Variants in TRIM5 observed in about 807,000 individuals in gnomAD.
TRIM5 encodes the protein tripartite motif containing 5, also known as tripartite motif-containing protein 5.
A neutral mutation model predicts 35.6 loss-of-function variants in TRIM5; 31 were observed. That is an observed-to-expected ratio of 0.87 (90% CI 0.65 to 1.18). The LOEUF (loss-of-function observed/expected upper bound fraction) is 1.18. Among genes scored for constraint, TRIM5 ranks in the 50% most tolerant of loss-of-function variants. The pLI, the probability that TRIM5 is intolerant of heterozygous loss-of-function variation, is 0.00. For synonymous variants in TRIM5, 243 were observed against 215.6 expected, an observed-to-expected ratio of 1.13 and a Z score of -1.11; for missense variants, 609 against 591.6, an observed-to-expected ratio of 1.03 and a Z score of -0.31.
chr11:5,647,539 T>G, the TRIM5 span, among the ~76,000 whole-genome samples: 1 of 152,152 alleles, frequency 6.6e-6, no homozygotes, highest in African/African-American at 2.4e-5. Flanking sequence ...CATCATTTTT[T>G]TGAGACAAAG....
the TRIM5 span, chr11:5,611,298 T>C: frequency 6.2e-7 from 1 of 1,614,156 alleles, no homozygotes; most frequent in Admixed American, 1.7e-5. Flanking sequence ...TTTTAATCCT[T>C]GCAACTGTGT....
the TRIM5 span, among the ~76,000 whole-genome samples, chr11:5,657,988 T>C: frequency 2.0e-5 from 3 of 151,296 alleles, no homozygotes; most frequent in Non-Finnish European, 4.4e-5. Flanking sequence ...ATGAGAGGGG[T>C]GCAGGGAAGT....
At chr11:5,653,695 G>A in the TRIM5 span, among the ~76,000 whole-genome samples, 1 of 151,670 alleles carries the variant, frequency 6.6e-6, no homozygotes, top group Non-Finnish European at 1.5e-5. Context: ...TTTTTACCGT[G>A]TTGGTCAGGC....
At position 5,663,700 on chromosome 11, in the gene TRIM5, A is replaced by G. The variant is rs760513966; in HGVS notation, c.*1109T>C. 168 of 508,196 alleles carry G rather than the reference A, an allele frequency of 3.3e-4. 1 individual carries two copies. Among genetic ancestry groups the G allele is most frequent in the Non-Finnish European group, 3.9e-4 (154 of 393,710 alleles). 31.5% of individuals were successfully genotyped at this position (508,196 alleles called of 1,614,324 possible). On this transcript the variant is annotated 3_prime_UTR_variant, in exon 8 of 8. Coordinates refer to ENST00000380034, the MANE Select transcript of TRIM5 (RefSeq NM_033034.3). Reference sequence around the variant, plus strand: ...CAGTGTGATGTTTTGATACATGTATACATTGCGTAATAACCGAACCAGGGT... The same window carrying G: ...CAGTGTGATGTTTTGATACATGTATGCATTGCGTAATAACCGAACCAGGGT...
chr11:5,617,068 T>G, the TRIM5 span, among the ~76,000 whole-genome samples: 1 of 141,202 alleles, frequency 7.1e-6, no homozygotes. Context: ...AATGCAAGCT[T>G]AGGTACAGGC....
the TRIM5 span, among the ~76,000 whole-genome samples, chr11:5,629,580 C>T: frequency 6.6e-6 from 1 of 152,212 alleles, no homozygotes; most frequent in African/African-American, 2.4e-5. Context: ...TGGCTGACCA[C>T]AAGCAATAAT....
chr11:5,659,725 T>C (rs1295931040), downstream of TRIM5, among the ~76,000 whole-genome samples: 1 of 152,048 alleles, frequency 6.6e-6, no homozygotes, highest in East Asian at 1.9e-4. Flanking sequence ...TAAGCTCCTG[T>C]TCTGGATTCT....
intron 4 of TRIM5, among the ~76,000 whole-genome samples, chr11:5,671,704 G>T (rs540293807): frequency 6.6e-6 from 1 of 152,118 alleles, no homozygotes; most frequent in East Asian, 1.9e-4. Context: ...ATGTAGCAAT[G>T]TACATGTAAT....
the TRIM5 span, among the ~76,000 whole-genome samples, chr11:5,609,401 T>C: frequency 2.0e-5 from 3 of 152,136 alleles, no homozygotes; most frequent in African/African-American, 7.2e-5. Flanking sequence ...AAGAAACCCC[T>C]TCATTTGATA....
chr11:5,679,505 C>A (rs1009874233), intron 2 of TRIM5, among the ~76,000 whole-genome samples: 1 of 152,108 alleles, frequency 6.6e-6, no homozygotes, highest in African/African-American at 2.4e-5. Context: ...TTCTTGGACA[C>A]CAAATCTCTA....
chr11:5,653,522 T>C, the TRIM5 span, among the ~76,000 whole-genome samples: 24 of 150,754 alleles, frequency 1.6e-4, 1 homozygote, highest in East Asian at 4.5e-3. Context: ...GATGGAGTCT[T>C]GCTCTATCAC....
chr11:5,603,422 C>T, the TRIM5 span: 13 of 1,614,060 alleles, frequency 8.1e-6, no homozygotes, highest in Admixed American at 1.3e-4. Context: ...TTCTGCCAAG[C>T]CTGCATCACA....
At chr11:5,675,114 C>T (rs1048020195) in intron 4 of TRIM5, among the ~76,000 whole-genome samples, 3 of 151,882 alleles carry the variant, frequency 2.0e-5, no homozygotes, top group South Asian at 2.1e-4. Context: ...CTGCAAGCTC[C>T]GCCTCCCGGG....
chr11:5,637,089 T>C, the TRIM5 span, among the ~76,000 whole-genome samples: 2 of 151,972 alleles, frequency 1.3e-5, no homozygotes, highest in Non-Finnish European at 2.9e-5. Flanking sequence ...AGGAGAATGG[T>C]GTGAACCCAG....
chr11:5,615,597 G>GTTGT, the TRIM5 span, among the ~76,000 whole-genome samples: 22,220 of 133,306 alleles, frequency 0.17, 1,769 homozygotes, highest in Middle Eastern at 0.23. Context: ...TGTTGTTGTT[G>GTTGT]TTGTTTGTTT....
At chr11:5,626,891 A>T in the TRIM5 span, 1 of 152,210 alleles carries the variant, frequency 6.6e-6, no homozygotes, top group East Asian at 1.9e-4. Context: ...TCAAAAAAAA[A>T]AAAAAATATG....
chr11:5,628,279 G>T, the TRIM5 span, among the ~76,000 whole-genome samples: 1 of 152,170 alleles, frequency 6.6e-6, no homozygotes, highest in Admixed American at 6.5e-5. Flanking sequence ...ACTATTGGTT[G>T]GATACTGATT....
the TRIM5 span, chr11:5,632,516 G>T: frequency 6.2e-7 from 1 of 1,613,994 alleles, no homozygotes; most frequent in Admixed American, 1.7e-5. Flanking sequence ...TGTGGTATCA[G>T]TTACTCATTT....
chr11:5,679,146 C>G lies in TRIM5; in HGVS notation c.441G>C (p.Glu147Asp), dbSNP rs1185002561. Residue 147 changes from glutamate to aspartate, a missense_variant, in exon 3 of 8, where the codon GAG becomes GAC. Coordinates refer to ENST00000380034, the MANE Select transcript of TRIM5 (RefSeq NM_033034.3). ...CTTCCTGCTGCTTCTGCCTCAGCAT[C>G]TCCAGAGCTGCCTGGAGCTTCACCT... ...EYQVKLQAAL[E>D]MLRQKQQEAE... 1.2e-6 allele frequency: 2 copies of G among 1,614,074 alleles called. No individual in the cohort carries two copies. The highest frequency in any genetic ancestry group is 1.7e-5 in the Admixed American group (1 of 60,026).
Sources: gnomAD v4.1 joint callset for allele counts (sites outside exome capture counted in the v4.1 genomes callset) on GRCh38, gnomAD v4.1.1 for gene constraint, MANE v1.5 for transcripts, NCBI Gene and HGNC (gene_info 2026-07-23, HGNC 2026-07-21) for gene names.